Variants in HECW1 observed in about 807,000 individuals in gnomAD.
HECW1 encodes the protein E3 ubiquitin-protein ligase HECW1.
Under a neutral mutation model 182.3 loss-of-function variants are expected in HECW1, and 61 were observed. The ratio of observed to expected loss-of-function variants is 0.33; its 90% CI spans 0.27 to 0.41. The LOEUF (loss-of-function observed/expected upper bound fraction) is 0.41. HECW1 is among the 10% of genes least tolerant of loss of function. The probability of loss-of-function intolerance (pLI) is 1.00; values close to 1 mark genes in which losing one functional copy is unlikely to be tolerated. For synonymous variants in HECW1, 859 were observed against 832.6 expected (o/e 1.03, Z -0.55); for missense variants, 1,739 against 2,108.9 (o/e 0.82, Z 3.44).
chr7:43,344,958 A>G (rs1813485401), intron 5 of HECW1, among the ~76,000 whole-genome samples: 1 of 151,852 alleles, frequency 6.6e-6, no homozygotes, highest in Non-Finnish European at 1.5e-5. Context: ...AGTGACATCT[A>G]CTTGTTTTTT....
At chr7:43,152,385 C>G (rs1789431235) in intron 2 of HECW1, among the ~76,000 whole-genome samples, 1 of 152,068 alleles carries the variant, frequency 6.6e-6, no homozygotes. Flanking sequence ...CAAAAAAGTC[C>G]TAATAATAAG....
intron 29 of HECW1, 27 bp downstream of exon 29, chr7:43,554,817 GA>G (rs760249369): frequency 6.3e-7 from 1 of 1,597,498 alleles, no homozygotes; most frequent in South Asian, 1.1e-5. Flanking sequence ...AGCCTTCGGG[GA>G]AACCTGCTGA....
intron 12 of HECW1, 102 bp downstream of exon 12, chr7:43,451,031 G>A (rs186408058): frequency 2.2e-5 from 17 of 785,246 alleles, no homozygotes; most frequent in Admixed American, 6.0e-5. Flanking sequence ...TCCCGACTCC[G>A]TGCCTTACAG....
At chr7:43,221,783 A>C (rs1222032626) in intron 2 of HECW1, among the ~76,000 whole-genome samples, 1 of 136,572 alleles carries the variant, frequency 7.3e-6, no homozygotes, top group East Asian at 2.2e-4. Flanking sequence ...TCGATCTCGC[A>C]ATCTGCCTGC....
At chr7:43,501,118 G>T in intron 20 of HECW1, 95 bp from the exon 21 acceptor site, 1 of 671,068 alleles carries the variant, frequency 1.5e-6, no homozygotes, top group Non-Finnish European at 2.6e-6. Flanking sequence ...TGTGAGAAGT[G>T]TAAGTGCTGC....
chr7:43,488,462 AAGAAAGAAAGAAAGAAAGAAAGAAAG>A (rs2078786307), intron 17 of HECW1, among the ~76,000 whole-genome samples: 3 of 150,314 alleles, frequency 2.0e-5, no homozygotes, highest in African/African-American at 5.0e-5. Flanking sequence ...GAAAGAAAGA[AAGAAAGAAAGAAAGAAAGAAAGAAAG>A]AGAAAGAAAG....
intron 24 of HECW1, among the ~76,000 whole-genome samples, chr7:43,513,863 T>A (rs10256689): frequency 0.3 from 45,664 of 151,704 alleles, 6,905 homozygotes; most frequent in South Asian, 0.45. Flanking sequence ...GAAAGAGGAG[T>A]TAGAGTCAGA....
intron 17 of HECW1, among the ~76,000 whole-genome samples, chr7:43,491,002 C>T (rs1290688851): frequency 1.3e-5 from 2 of 152,216 alleles, no homozygotes; most frequent in Non-Finnish European, 2.9e-5. Flanking sequence ...ATCCACCTGC[C>T]TCAGCCTCCC....
At chr7:43,274,660 A>C (rs1445505496) in intron 3 of HECW1, 5 of 313,778 alleles carry the variant, frequency 1.6e-5, no homozygotes, top group East Asian at 9.0e-5. Context: ...AGAGAGAGAG[A>C]GAGCGAGAGA....
chr7:43,422,927 C>CCGAGAGT (rs112495941), intron 8 of HECW1, among the ~76,000 whole-genome samples: 40,416 of 151,452 alleles, frequency 0.27, 6,097 homozygotes, highest in East Asian at 0.7. Flanking sequence ...CAGTGCCTGG[C>CCGAGAGT]CGAGAGTCGT....
chr7:43,314,548 C>G (rs971288662), intron 4 of HECW1, among the ~76,000 whole-genome samples: 5 of 152,116 alleles, frequency 3.3e-5, no homozygotes. Context: ...GTAGCCATAT[C>G]AGGTATTACG....
At chr7:43,455,132 T>TTG (rs2077358995) in intron 12 of HECW1, among the ~76,000 whole-genome samples, 1 of 152,110 alleles carries the variant, frequency 6.6e-6, no homozygotes, top group African/African-American at 2.4e-5. Flanking sequence ...GTTTTCTTTT[T>TTG]TTTTGTTTTC....
chr7:43,511,786 C>G (rs1311322713), intron 24 of HECW1: 1 of 178,076 alleles, frequency 5.6e-6, no homozygotes, highest in African/African-American at 2.4e-5. Context: ...TCTTGTGCCC[C>G]TGAGTGGCTC....
At chr7:43,126,554 A>G (rs1036885689) in intron 2 of HECW1, among the ~76,000 whole-genome samples, 6 of 152,136 alleles carry the variant, frequency 3.9e-5, no homozygotes, top group Non-Finnish European at 7.3e-5. Flanking sequence ...GAAAAAATTG[A>G]CCTAACTGCT....
chr7:43,394,428 A>G (rs970851592), intron 6 of HECW1, among the ~76,000 whole-genome samples: 4 of 152,220 alleles, frequency 2.6e-5, no homozygotes, highest in Non-Finnish European at 4.4e-5. Context: ...TAGAAAGCCA[A>G]TCACTGAGAC....
chr7:43,346,474 C>T (rs1813700426), intron 5 of HECW1, among the ~76,000 whole-genome samples: 1 of 152,062 alleles, frequency 6.6e-6, no homozygotes. Context: ...TTCCTTGTGC[C>T]ATGCAAAAGC....
chr7:43,378,600 T>A (rs2074417402), intron 6 of HECW1, among the ~76,000 whole-genome samples: 1 of 151,264 alleles, frequency 6.6e-6, no homozygotes, highest in Non-Finnish European at 1.5e-5. Flanking sequence ...AGGTCGGGAG[T>A]TTGAGACCAG....
At chr7:43,303,056 CG>C (rs1807061868) in intron 3 of HECW1, among the ~76,000 whole-genome samples, 1 of 152,108 alleles carries the variant, frequency 6.6e-6, no homozygotes, top group African/African-American at 2.4e-5. Flanking sequence ...GCTAACCTGA[CG>C]AGGCCCTCCT....
intron 2 of HECW1, chr7:43,162,924 A>G (rs1005816839): frequency 2.0e-5 from 3 of 152,250 alleles, no homozygotes; most frequent in Non-Finnish European, 4.4e-5. Context: ...GTTGTTTTAC[A>G]GATGAAGAAC....
Sources: gnomAD v4.1 joint callset for allele counts (sites outside exome capture counted in the v4.1 genomes callset) on GRCh38, gnomAD v4.1.1 for gene constraint, MANE v1.5 for transcripts, NCBI Gene and HGNC (gene_info 2026-07-23, HGNC 2026-07-21) for gene names.